The following RBFOX1 variants were observed in gnomAD, a reference collection of about 807,000 sequenced individuals.
RBFOX1 encodes the protein RNA binding fox-1 homolog 1.
In RBFOX1, 8 loss-of-function variants were observed where a neutral mutation model predicts 57.7. That is an observed-to-expected ratio of 0.14 (90% confidence interval 0.08 to 0.25). The LOEUF is 0.25. RBFOX1 is among the 10% of genes least tolerant of loss of function. The pLI, the probability that RBFOX1 is intolerant of heterozygous loss-of-function variation, is 1.00. For missense variants in RBFOX1, 611 were observed against 548.5 expected (o/e 1.11, Z -1.14); for synonymous variants, 326 against 222.4 (o/e 1.47, Z -4.15).
chr16:5,398,188 C>T (rs1006317205), intron 1 of RBFOX1, among the ~76,000 whole-genome samples: 5 of 151,994 alleles, frequency 3.3e-5, no homozygotes, highest in East Asian at 3.9e-4. Context: ...AGTGTGTGCC[C>T]GTGTGTATAT....
intron 4 of RBFOX1, among the ~76,000 whole-genome samples, chr16:7,457,160 T>G (rs984869951): frequency 5.9e-5 from 9 of 152,104 alleles, no homozygotes; most frequent in Admixed American, 5.9e-4. Flanking sequence ...GTGCTAGGAT[T>G]ACAGGTGTGA....
At chr16:5,737,807 A>G (rs1597041029) in intron 3 of RBFOX1, among the ~76,000 whole-genome samples, 1 of 152,248 alleles carries the variant, frequency 6.6e-6, no homozygotes, top group Middle Eastern at 3.4e-3. Context: ...TTATATCTCA[A>G]TAAAGTCTGG....
intron 3 of RBFOX1, among the ~76,000 whole-genome samples, chr16:6,889,805 A>C (rs7187979): frequency 1.3e-5 from 2 of 152,136 alleles, no homozygotes; most frequent in African/African-American, 4.8e-5. Flanking sequence ...TAGGAGTTCT[A>C]TAAGTTTCTT....
intron 4 of RBFOX1, among the ~76,000 whole-genome samples, chr16:7,378,601 T>A (rs2097728495): frequency 6.6e-6 from 1 of 152,198 alleles, no homozygotes; most frequent in Non-Finnish European, 1.5e-5. Context: ...GGGAGAAGCA[T>A]TAGGCACATT....
intron 1 of RBFOX1, among the ~76,000 whole-genome samples, chr16:5,330,264 A>G (rs1017085927): frequency 1.3e-5 from 2 of 152,220 alleles, no homozygotes; most frequent in African/African-American, 4.8e-5. Context: ...CAGCGAATCT[A>G]ACCTTAGTCT....
chr16:5,921,249 T>C (rs11860062), intron 4 of RBFOX1, among the ~76,000 whole-genome samples: 193 of 152,350 alleles, frequency 1.3e-3, no homozygotes, highest in African/African-American at 4.4e-3. Context: ...GTGTAGCTTC[T>C]CATGTGACCA....
intron 2 of RBFOX1, among the ~76,000 whole-genome samples, chr16:5,572,019 A>G (rs1468024028): frequency 6.6e-6 from 1 of 152,170 alleles, no homozygotes; most frequent in African/African-American, 2.4e-5. Context: ...TCCATTAGAC[A>G]CACTGCAAAG....
At chr16:6,500,963 T>C (rs2095899875) in intron 2 of RBFOX1, among the ~76,000 whole-genome samples, 1 of 149,932 alleles carries the variant, frequency 6.7e-6, no homozygotes, top group Admixed American at 6.6e-5. Context: ...ACCAGCCATG[T>C]TCCTGTCTTT....
Position 5,315,007 on chromosome 16 carries a change from C to A in RBFOX1, c.219+74902C>A, listed in dbSNP as rs1263209282. Among the ~76,000 whole-genome samples, 16 of 152,086 alleles carry A rather than the reference C, an allele frequency of 1.1e-4. No homozygotes were observed. The South Asian group carries it at 2.7e-3, about 26-fold the overall frequency. On this transcript the variant is annotated intron_variant, in intron 1 of 2. Transcript: ENST00000585867. The stretch of plus-strand genomic sequence containing the variant: ...AGTCATAACGTGACCCTGGAAAGGG[C>A]ATTGGGGGCCTCTGTGAGATGCCCT...
chr16:5,635,425 G>A (rs2048652492), intron 3 of RBFOX1, among the ~76,000 whole-genome samples: 1 of 152,216 alleles, frequency 6.6e-6, no homozygotes, highest in African/African-American at 2.4e-5. Context: ...CATTCCTCAT[G>A]GAGTTAAGCT....
chr16:6,277,591 G>A (rs1166142075), intron 1 of RBFOX1, among the ~76,000 whole-genome samples: 1 of 150,902 alleles, frequency 6.6e-6, no homozygotes, highest in Non-Finnish European at 1.5e-5. Flanking sequence ...GGGCAATAGA[G>A]TGAGGTCGAG....
intron 3 of RBFOX1, among the ~76,000 whole-genome samples, chr16:5,764,375 A>C (rs2053701823): frequency 6.6e-6 from 1 of 152,248 alleles, no homozygotes; most frequent in Non-Finnish European, 1.5e-5. Context: ...GAAGCTGAGT[A>C]GATGCCAGCA....
intron 4 of RBFOX1, among the ~76,000 whole-genome samples, chr16:7,237,754 C>G (rs1007543310): frequency 2.6e-5 from 4 of 152,170 alleles, no homozygotes; most frequent in South Asian, 4.1e-4. Context: ...GCCTGCAATC[C>G]CAACACTTTG....
At chr16:6,488,996 A>C (rs187462594) in intron 2 of RBFOX1, among the ~76,000 whole-genome samples, 1 of 152,320 alleles carries the variant, frequency 6.6e-6, no homozygotes, top group African/African-American at 2.4e-5. Flanking sequence ...TCATGATGCA[A>C]AATCAGACGG....
chr16:7,315,456 A>ACCCC lies in RBFOX1; in HGVS notation c.28-202683_28-202680dup, dbSNP rs34625153. On this transcript the variant is annotated intron_variant, in intron 4 of 15. Coordinates refer to ENST00000550418, the MANE Select transcript of RBFOX1 (RefSeq NM_018723.4). The stretch of plus-strand genomic sequence containing the variant: ...AATGATTAAAGCCCTACTCTACCCT[A>ACCCC]CCCCCCCCCCCATACTGGGGGCTTG... 2.8e-3 allele frequency among the ~76,000 whole-genome samples: 351 copies of ACCCC among 123,676 alleles called. 10 individuals carry two copies. The highest frequency in any genetic ancestry group is 8.5e-3 in the Middle Eastern group (2 of 234). The allele number at this position is 123,676 out of a possible 152,430, so 81.1% of individuals were successfully genotyped here. A position where few individuals can be genotyped will look rare whatever the true frequency, so the allele number is the denominator to read the frequency against.
intron 2 of RBFOX1, among the ~76,000 whole-genome samples, chr16:5,565,307 A>G (rs548909635): frequency 5.3e-5 from 8 of 150,602 alleles, no homozygotes; most frequent in African/African-American, 2.0e-4. Context: ...ATGTGCATGC[A>G]TGTGCACATA....
At chr16:7,178,105 C>A (rs533060633) in intron 4 of RBFOX1, among the ~76,000 whole-genome samples, 6 of 152,118 alleles carry the variant, frequency 3.9e-5, no homozygotes, top group Non-Finnish European at 7.3e-5. Context: ...ACAAATAACC[C>A]CCAGGATGTC....
intron 3 of RBFOX1, among the ~76,000 whole-genome samples, chr16:6,913,678 C>A (rs865924488): frequency 6.6e-6 from 1 of 152,188 alleles, no homozygotes; most frequent in South Asian, 2.1e-4. Flanking sequence ...CCTTGGTAGA[C>A]CTGGCTCCTT....
chr16:6,226,879 C>T (rs527893918), intron 1 of RBFOX1, among the ~76,000 whole-genome samples: 15 of 149,162 alleles, frequency 1.0e-4, no homozygotes, highest in East Asian at 2.0e-4. Flanking sequence ...GGCGGTGAGG[C>T]GGCTGGATTG....
Sources: allele counts gnomAD v4.1 joint callset (sites outside exome capture counted in the v4.1 genomes callset), GRCh38; gene constraint gnomAD v4.1.1; transcripts MANE v1.5; gene names NCBI Gene and HGNC (gene_info 2026-07-23, HGNC 2026-07-21).